WWC2: variants seen among roughly 807,000 people sequenced by gnomAD.
WWC2 encodes WW and C2 domain containing 2.
In WWC2, 101 loss-of-function variants were observed where a neutral mutation model predicts 138.5. The ratio of observed to expected loss-of-function variants is 0.73; its 90% CI spans 0.62 to 0.86. WWC2 has a LOEUF of 0.86. WWC2 is among the 40% of genes least tolerant of loss of function. The probability of loss-of-function intolerance (pLI) is 0.00; values close to 1 mark genes in which losing one functional copy is unlikely to be tolerated. For synonymous variants in WWC2, 558 were observed against 538.4 expected, an observed-to-expected ratio of 1.04 and a Z score of -0.50; for missense variants, 1,420 against 1,419.4, an observed-to-expected ratio of 1.00 and a Z score of -0.01.
chr4:183,198,849 G>A (rs1459156498), intron 2 of WWC2, among the ~76,000 whole-genome samples: 1 of 128,624 alleles, frequency 7.8e-6, no homozygotes, highest in African/African-American at 2.9e-5. Flanking sequence ...AAACCCTTTT[G>A]TGGCACATTA....
intron 17 of WWC2, among the ~76,000 whole-genome samples, chr4:183,281,855 A>G (rs186206643): frequency 1.5e-4 from 23 of 152,334 alleles, no homozygotes; most frequent in Admixed American, 5.9e-4. Context: ...ATTCTCATAT[A>G]TGTAAAATAC....
chr4:183,261,154 G>T lies in WWC2; in HGVS notation c.1531G>T (p.Val511Phe), dbSNP rs762496910. The T allele has an allele frequency of 1.2e-6, 2 of 1,613,878 alleles. No individual in the cohort carries two copies. The highest frequency in any genetic ancestry group is 1.1e-5 in the South Asian group (1 of 91,048). Reference sequence around the variant, plus strand: ...CACCACCATCCATGAAAACGAGGTGGTCAAGTCCCCTAGCCAGCCTGGCCA... The same window carrying T: ...CACCACCATCCATGAAAACGAGGTGTTCAAGTCCCCTAGCCAGCCTGGCCA... ...PITTIHENEV[V>F]KSPSQPGQSG... The change falls in exon 11 of 23, where the codon GTC becomes TTC. Residue 511 changes from valine to phenylalanine, a missense_variant. By Grantham distance (50) the Val-to-Phe change is conservative (BLOSUM62 -1). Transcript: ENST00000403733.
intron 1 of WWC2, among the ~76,000 whole-genome samples, chr4:183,157,323 C>T (rs1379832668): frequency 6.6e-6 from 1 of 152,130 alleles, no homozygotes; most frequent in Non-Finnish European, 1.5e-5. Flanking sequence ...GTGTCCTTCT[C>T]AACATACCAT....
intron 4 of WWC2, among the ~76,000 whole-genome samples, chr4:183,214,151 G>A (rs145851894): frequency 0.013 from 1,937 of 151,990 alleles, 139 homozygotes; most frequent in Admixed American, 0.11. Flanking sequence ...TGAGAGTGAA[G>A]AACAAAGACC....
At chr4:183,250,090 A>G (rs967259817) in intron 8 of WWC2, 97 bp downstream of exon 8, 2 of 1,119,290 alleles carry the variant, frequency 1.8e-6, no homozygotes, top group African/African-American at 1.6e-5. Context: ...CACTCCCCAT[A>G]CATTCTTACC....
At chr4:183,307,019 A>G (rs1739045182) in intron 21 of WWC2, among the ~76,000 whole-genome samples, 1 of 152,186 alleles carries the variant, frequency 6.6e-6, no homozygotes, top group Non-Finnish European at 1.5e-5. Context: ...GATATAATTG[A>G]CATCTATAGA....
At chr4:183,167,448 T>A (rs1488895766) in intron 1 of WWC2, among the ~76,000 whole-genome samples, 1 of 152,132 alleles carries the variant, frequency 6.6e-6, no homozygotes, top group African/African-American at 2.4e-5. Context: ...GATGTGCATT[T>A]GAGTTGGGCT....
At chr4:183,195,986 C>T (rs1341356514) in intron 2 of WWC2, among the ~76,000 whole-genome samples, 2 of 152,040 alleles carry the variant, frequency 1.3e-5, no homozygotes, top group African/African-American at 4.8e-5. Flanking sequence ...TAGTGCCATC[C>T]CCTTGGTGCT....
Position 183,319,255 on chromosome 4 carries a change from C to A in WWC2, c.*3526C>A. The A allele has an allele frequency of 7.5e-6, 2 of 267,280 alleles. No homozygotes were observed. Among genetic ancestry groups the A allele is most frequent in the Non-Finnish European group, 7.0e-6 (1 of 141,970 alleles). 16.6% of individuals were successfully genotyped at this position (267,280 alleles called of 1,614,324 possible). On this transcript the variant is annotated 3_prime_UTR_variant, in exon 23 of 23. Transcript: ENST00000403733. ...TGATTCCGCTCCATATGAATAATAC[C>A]TTCAAAGATACATAGAGATTAATGT... is the stretch of plus-strand genomic sequence containing the variant.
chr4:183,180,803 A>G (rs1156437183), intron 1 of WWC2, among the ~76,000 whole-genome samples: 1 of 141,486 alleles, frequency 7.1e-6, no homozygotes, highest in Non-Finnish European at 1.5e-5. Context: ...GACAGGAAGT[A>G]GATGAGTGGC....
chr4:183,128,105 C>T (rs956286454), intron 1 of WWC2, among the ~76,000 whole-genome samples: 9 of 150,550 alleles, frequency 6.0e-5, no homozygotes, highest in African/African-American at 1.7e-4. Flanking sequence ...CTTTGGGAGG[C>T]TGAGGCAGGC....
At position 183,292,099 on chromosome 4, in the gene WWC2, G is replaced by A. The variant is rs561428485; in HGVS notation, c.3384+2464G>A. ...TGGTCCCAATTACTTGGAAGGCTGA[G>A]GTGGGAGGATCACTTTAGCCCAGGA... On this transcript the variant is annotated intron_variant, in intron 21 of 22. Transcript: ENST00000403733. Among the ~76,000 whole-genome samples, 60 of 152,182 alleles carry A rather than the reference G, an allele frequency of 3.9e-4. 1 individual carries two copies. The South Asian group carries it at 9.1e-3, about 23-fold the overall frequency.
chr4:183,285,537 A>G (rs757392436), intron 19 of WWC2, among the ~76,000 whole-genome samples: 76 of 152,308 alleles, frequency 5.0e-4, no homozygotes, highest in Non-Finnish European at 1.0e-3. Flanking sequence ...GAGGAGAGCG[A>G]AACACCTGAG....
chr4:183,109,119 G>A (rs1057260642), intron 1 of WWC2, among the ~76,000 whole-genome samples: 1 of 152,140 alleles, frequency 6.6e-6, no homozygotes, highest in Admixed American at 6.5e-5. Context: ...CATGTTTGTT[G>A]TTTATATGAA....
chr4:183,267,858 A>G (rs988223725), intron 14 of WWC2, among the ~76,000 whole-genome samples: 5 of 152,222 alleles, frequency 3.3e-5, no homozygotes, highest in African/African-American at 1.2e-4. Context: ...CTAAATAATG[A>G]CACTGCTAAA....
chr4:183,142,235 G>A (rs145240754), intron 1 of WWC2, among the ~76,000 whole-genome samples: 38 of 152,288 alleles, frequency 2.5e-4, no homozygotes, highest in African/African-American at 8.2e-4. Context: ...GGGTTATATT[G>A]CCTGGAAATG....
chr4:183,148,115 G>A (rs1168287788), intron 1 of WWC2, among the ~76,000 whole-genome samples: 1 of 152,188 alleles, frequency 6.6e-6, no homozygotes, highest in Admixed American at 6.5e-5. Context: ...TGTAGCGTGT[G>A]AGGTTGTGGC....
chr4:183,186,653 G>A lies in WWC2; in HGVS notation c.132-6946G>A, dbSNP rs548140261. Among the ~76,000 whole-genome samples the A allele has an allele frequency of 6.6e-5, 10 of 152,288 alleles. No individual in the cohort carries two copies. In the East Asian group the frequency reaches 1.2e-3, roughly 18 times the overall value. On this transcript the variant is annotated intron_variant, in intron 1 of 22. Coordinates refer to ENST00000403733, the MANE Select transcript of WWC2 (RefSeq NM_024949.6). ...GACTGCAGAGTAGAGAGGAGCGGCTGGGGTAAGGGCAGGAGACTGGCAGGC... is the reference window on the plus strand; with the variant it reads ...GACTGCAGAGTAGAGAGGAGCGGCTAGGGTAAGGGCAGGAGACTGGCAGGC...
intron 1 of WWC2, among the ~76,000 whole-genome samples, chr4:183,129,823 A>G (rs1419581683): frequency 6.6e-6 from 1 of 152,118 alleles, no homozygotes; most frequent in Non-Finnish European, 1.5e-5. Context: ...CATGTCTTTG[A>G]TGGCTTTTGT....
Sources: gnomAD v4.1 joint callset for allele counts (sites outside exome capture counted in the v4.1 genomes callset) on GRCh38, gnomAD v4.1.1 for gene constraint, MANE v1.5 for transcripts, NCBI Gene and HGNC (gene_info 2026-07-23, HGNC 2026-07-21) for gene names.